ATG7: variants seen among roughly 807,000 people sequenced by gnomAD.
ATG7 encodes the protein ubiquitin-like modifier-activating enzyme ATG7.
In ATG7, 70 loss-of-function variants were observed where a neutral mutation model predicts 82.4. The ratio of observed to expected loss-of-function variants is 0.85; its 90% CI spans 0.70 to 1.04. The LOEUF (loss-of-function observed/expected upper bound fraction) is 1.04, where lower values mean the gene tolerates loss of function less well. Ranked by LOEUF, ATG7 falls within the 50% of genes least tolerant of loss-of-function variation. ATG7 has a pLI of 0.00. For synonymous variants in ATG7, 287 were observed against 313.0 expected (o/e 0.92, Z 0.88); for missense variants, 792 against 864.3 (o/e 0.92, Z 1.05).
intron 9 of ATG7, among the ~76,000 whole-genome samples, chr3:11,323,556 C>T (rs929017609): frequency 6.6e-5 from 10 of 152,246 alleles, no homozygotes; most frequent in African/African-American, 2.4e-4. Flanking sequence ...TTAAAAATAG[C>T]TCATAACATT....
intron 19 of ATG7, among the ~76,000 whole-genome samples, chr3:11,424,635 C>A (rs1472383977): frequency 2.0e-5 from 3 of 151,212 alleles, no homozygotes; most frequent in African/African-American, 7.3e-5. Flanking sequence ...ATTTAAAAAT[C>A]TTATTTTAAT....
At chr3:11,396,667 A>G (rs2079307574) in intron 19 of ATG7, among the ~76,000 whole-genome samples, 1 of 152,066 alleles carries the variant, frequency 6.6e-6, no homozygotes, top group South Asian at 2.1e-4. Context: ...CTGTAATTCC[A>G]GCTACTCAGG....
In ATG7 at chr3:11,509,484, T is replaced by C. The variant is rs569944184; in HGVS notation, c.2080-45327T>C. Among the ~76,000 whole-genome samples, 9 of 152,248 alleles carry C rather than the reference T, an allele frequency of 5.9e-5. No homozygotes were observed. The East Asian group carries it at 1.7e-3, about 29-fold the overall frequency. ...CTCCACAAAGCCTGGTGCAACTCCT[T>C]GTATGTCACAGACATAGACATGTTT... is the stretch of plus-strand genomic sequence containing the variant. On this transcript the variant is annotated intron_variant, in intron 20 of 20. Coordinates refer to ENST00000693202, the MANE Select transcript of ATG7 (RefSeq NM_001349232.2).
Position 11,477,226 on chromosome 3 carries a change from T to C in ATG7, c.2079+50300T>C, listed in dbSNP as rs1182426932. 2.3e-6 allele frequency: 3 copies of C among 1,286,552 alleles called. No homozygotes were observed. In the African/African-American group the frequency reaches 4.6e-5, roughly 20 times the overall value. The allele number at this position is 1,286,552 out of a possible 1,614,324, so 79.7% of individuals were successfully genotyped here. The stretch of plus-strand genomic sequence containing the variant: ...CAAGCACTTCTGTGAATGGAATCTT[T>C]TATTCCTCGCCCATCTGATTCTTGG... On this transcript the variant is annotated intron_variant, in intron 20 of 20. Coordinates refer to ENST00000693202, the MANE Select transcript of ATG7 (RefSeq NM_001349232.2).
At chr3:11,481,901 C>A (rs1185037556) in intron 20 of ATG7, among the ~76,000 whole-genome samples, 1 of 152,096 alleles carries the variant, frequency 6.6e-6, no homozygotes, top group Non-Finnish European at 1.5e-5. Flanking sequence ...GTTGTCAGGC[C>A]CAAACACGGG....
At chr3:11,311,627 G>A (rs1490053494) in intron 7 of ATG7, among the ~76,000 whole-genome samples, 1 of 149,856 alleles carries the variant, frequency 6.7e-6, no homozygotes, top group Non-Finnish European at 1.5e-5. Flanking sequence ...AAAAGATTTT[G>A]TGAGTTTCTT....
At chr3:11,433,999 C>T (rs900908428) in intron 20 of ATG7, among the ~76,000 whole-genome samples, 1 of 152,140 alleles carries the variant, frequency 6.6e-6, no homozygotes, top group African/African-American at 2.4e-5. Flanking sequence ...CTAGAAAATG[C>T]CCATTTCTCT....
intron 20 of ATG7, among the ~76,000 whole-genome samples, chr3:11,499,879 G>A (rs1481741948): frequency 6.6e-6 from 1 of 152,160 alleles, no homozygotes; most frequent in East Asian, 1.9e-4. Flanking sequence ...TATCATACCA[G>A]TCTTGTGCAT....
rs1235393366 is a variant in ATG7, at chr3:11,371,349, G to A, written c.1875+6615G>A. On this transcript the variant is annotated intron_variant, in intron 18 of 20. Coordinates refer to ENST00000693202, the MANE Select transcript of ATG7 (RefSeq NM_001349232.2). Reference sequence around the variant, plus strand: ...GGAAGGGAAAGGCCAGTTTACCTGCGAGACAGCGAGTAAAGGGGCACAGCG... The same window carrying A: ...GGAAGGGAAAGGCCAGTTTACCTGCAAGACAGCGAGTAAAGGGGCACAGCG... Among the ~76,000 whole-genome samples the A allele has an allele frequency of 3.3e-5, 5 of 150,616 alleles. 1 individual carries two copies. The highest frequency in any genetic ancestry group is 7.4e-5 in the Non-Finnish European group (5 of 67,814).
chr3:11,575,443 G>A, the ATG7 span, among the ~76,000 whole-genome samples: 1 of 152,180 alleles, frequency 6.6e-6, no homozygotes, highest in Non-Finnish European at 1.5e-5. Context: ...AATGTGCATC[G>A]TGTGTGAGTC....
intron 1 of ATG7, among the ~76,000 whole-genome samples, chr3:11,277,633 G>A (rs566421397): frequency 9.8e-5 from 15 of 152,310 alleles, no homozygotes; most frequent in Admixed American, 7.2e-4. Context: ...AAGATCACAT[G>A]CTTCTGAGGA....
chr3:11,284,849 CTTT>C (rs34240225), intron 3 of ATG7, among the ~76,000 whole-genome samples: 3 of 113,772 alleles, frequency 2.6e-5, no homozygotes, highest in Non-Finnish European at 3.7e-5. Context: ...TGTGCCTGGC[CTTT>C]TTTTTTTTTT....
the ATG7 span, among the ~76,000 whole-genome samples, chr3:11,572,833 T>C: frequency 2.0e-5 from 3 of 152,164 alleles, no homozygotes; most frequent in African/African-American, 7.2e-5. Flanking sequence ...CGTTCCTTTA[T>C]GGACCGGCGC....
chr3:11,433,614 C>G (rs910277284), intron 20 of ATG7, among the ~76,000 whole-genome samples: 1 of 152,178 alleles, frequency 6.6e-6, no homozygotes, highest in Non-Finnish European at 1.5e-5. Flanking sequence ...TCCCTTTACC[C>G]AATTTCCCTG....
chr3:11,412,792 A>T (rs1016959517), intron 19 of ATG7, among the ~76,000 whole-genome samples: 1 of 152,130 alleles, frequency 6.6e-6, no homozygotes, highest in African/African-American at 2.4e-5. Flanking sequence ...AACAATACTA[A>T]TTCTTCCAAT....
Position 11,523,775 on chromosome 3 carries a change from A to G in ATG7, c.2080-31036A>G, listed in dbSNP as rs1452192615. On this transcript the variant is annotated intron_variant, in intron 20 of 20. Coordinates refer to ENST00000693202, the MANE Select transcript of ATG7 (RefSeq NM_001349232.2). Reference sequence around the variant, plus strand: ...CACACTTGATCTCTGATTACGGCCAAAACAGCAGTTGCTAAATCCAGCTAA... The same window carrying G: ...CACACTTGATCTCTGATTACGGCCAGAACAGCAGTTGCTAAATCCAGCTAA... Among the ~76,000 whole-genome samples, 7 of 152,258 alleles carry G rather than the reference A, an allele frequency of 4.6e-5. No homozygotes were observed. The East Asian group carries it at 9.6e-4, about 21-fold the overall frequency.
At chr3:11,468,067 A>G (rs984621871) in intron 20 of ATG7, among the ~76,000 whole-genome samples, 3 of 152,222 alleles carry the variant, frequency 2.0e-5, no homozygotes, top group African/African-American at 7.2e-5. Flanking sequence ...GCACAGTTTG[A>G]CTTGTGACAT....
intron 20 of ATG7, among the ~76,000 whole-genome samples, chr3:11,538,695 AAAAAAAAAAAATTAGCC>A (rs2070546986): frequency 1.4e-5 from 2 of 142,108 alleles, no homozygotes; most frequent in African/African-American, 5.4e-5. Context: ...AAAAAAAAAA[AAAAAAAAAAAATTAGCC>A]AAAAAAAAAA....
At chr3:11,443,249 C>T (rs530033979) in intron 20 of ATG7, among the ~76,000 whole-genome samples, 1 of 152,304 alleles carries the variant, frequency 6.6e-6, no homozygotes, top group South Asian at 2.1e-4. Flanking sequence ...CCATGAGATC[C>T]ACCTGGCACT....
Sources: allele counts gnomAD v4.1 joint callset (sites outside exome capture counted in the v4.1 genomes callset), GRCh38; gene constraint gnomAD v4.1.1; transcripts MANE v1.5; gene names NCBI Gene and HGNC (gene_info 2026-07-23, HGNC 2026-07-21).